CACNB2: variants seen among roughly 807,000 people sequenced by gnomAD.
CACNB2 encodes the protein voltage-dependent L-type calcium channel subunit beta-2.
Under a neutral mutation model 73.3 loss-of-function variants are expected in CACNB2, and 42 were observed. The observed-to-expected ratio is 0.57, with a 90% CI of 0.45 to 0.74. The LOEUF (loss-of-function observed/expected upper bound fraction) is 0.74, where lower values mean the gene tolerates loss of function less well. Among genes scored for constraint, CACNB2 ranks in the 30% least tolerant of loss-of-function variants. The pLI is 0.00. For synonymous variants in CACNB2, 348 were observed against 310.3 expected (o/e 1.12, Z -1.28); for missense variants, 940 against 853.0 (o/e 1.10, Z -1.27).
rs557530757 is a variant in CACNB2 at position 18,199,334 on chromosome 10, G to T, written c.213+48359G>T. On this transcript the variant is annotated intron_variant, in intron 2 of 13. Coordinates refer to ENST00000324631, the MANE Select transcript of CACNB2 (RefSeq NM_201596.3). ...TAAACAAATTAATATTTAATAAAAT[G>T]TCATGTAATGCCAACTTCTAGGAAG... 1.8e-4 allele frequency among the ~76,000 whole-genome samples: 27 copies of T among 152,286 alleles called. No individual in the cohort carries two copies. The South Asian group carries it at 5.2e-3, about 29-fold the overall frequency.
chr10:18,381,785 C>T (rs962939219), intron 2 of CACNB2, among the ~76,000 whole-genome samples: 4 of 151,316 alleles, frequency 2.6e-5, no homozygotes, highest in East Asian at 1.9e-4. Flanking sequence ...GTGTTGTGTT[C>T]GTATATTACA....
At chr10:18,467,709 A>T (rs946744721) in intron 3 of CACNB2, among the ~76,000 whole-genome samples, 1 of 152,068 alleles carries the variant, frequency 6.6e-6, no homozygotes, top group East Asian at 1.9e-4. Flanking sequence ...CCTCAACCCA[A>T]CTCAAATGGG....
At chr10:18,242,427 G>C (rs185463318) in intron 2 of CACNB2, among the ~76,000 whole-genome samples, 2 of 152,104 alleles carry the variant, frequency 1.3e-5, no homozygotes, top group Non-Finnish European at 2.9e-5. Flanking sequence ...CGATGAAAAG[G>C]TTGAAAGGTC....
At chr10:18,214,255 G>A (rs1357620859) in intron 2 of CACNB2, among the ~76,000 whole-genome samples, 1 of 54,150 alleles carries the variant, frequency 1.8e-5, no homozygotes, top group East Asian at 3.6e-4. Flanking sequence ...AAGCATTGCT[G>A]CCTGGAATGG....
chr10:18,198,716 C>T (rs2034736907), intron 2 of CACNB2, among the ~76,000 whole-genome samples: 1 of 152,128 alleles, frequency 6.6e-6, no homozygotes, highest in African/African-American at 2.4e-5. Flanking sequence ...ATAATGTATG[C>T]CCACACTTTT....
chr10:18,497,383 G>A (rs2049901439), intron 3 of CACNB2, among the ~76,000 whole-genome samples: 1 of 152,092 alleles, frequency 6.6e-6, no homozygotes. Context: ...GCTAAAGAGA[G>A]AATAAATGCT....
At chr10:18,173,711 C>T (rs1168992983) in intron 2 of CACNB2, among the ~76,000 whole-genome samples, 1 of 152,118 alleles carries the variant, frequency 6.6e-6, no homozygotes, top group African/African-American at 2.4e-5. Flanking sequence ...CTTCTTCTAA[C>T]CTTTTAGTAT....
intron 2 of CACNB2, among the ~76,000 whole-genome samples, chr10:18,270,001 C>T (rs2037981684): frequency 6.6e-6 from 1 of 152,060 alleles, no homozygotes. Context: ...CCCCAGTTAC[C>T]ACAGTAACTG....
intron 2 of CACNB2, among the ~76,000 whole-genome samples, chr10:18,369,372 A>G (rs2042483478): frequency 1.3e-5 from 2 of 152,186 alleles, no homozygotes; most frequent in Non-Finnish European, 2.9e-5. Context: ...GCTGTAGTAT[A>G]GGTGGCAGTA....
At chr10:18,221,034 G>A (rs1377740072) in intron 2 of CACNB2, among the ~76,000 whole-genome samples, 2 of 152,150 alleles carry the variant, frequency 1.3e-5, no homozygotes, top group African/African-American at 4.8e-5. Context: ...CCTGGATGGG[G>A]GCTGGGCAGT....
intron 5 of CACNB2, among the ~76,000 whole-genome samples, chr10:18,502,355 C>T (rs1408378667): frequency 6.6e-6 from 1 of 150,438 alleles, no homozygotes; most frequent in East Asian, 2.0e-4. Context: ...ATGGATGGAG[C>T]CGGAGGCCAT....
chr10:18,150,855 CTTTTTTTTTTTTTT>C lies in CACNB2; in HGVS notation c.121-16_121-3del. ...AGGGTCTCATAATAATCTTATTTGT[CTTTTTTTTTTTTTT>C]TTTTTTTTTTTAGTCATATGGAAAA... On this transcript the variant is annotated splice_polypyrimidine_tract_variant and intron_variant, in intron 1 of 13. Transcript: ENST00000324631. 4 of 483,392 alleles carry C rather than the reference CTTTTTTTTTTTTTT, an allele frequency of 8.3e-6. No homozygotes were observed. Among genetic ancestry groups the C allele is most frequent in the Non-Finnish European group, 9.2e-6 (3 of 325,610 alleles). 29.9% of individuals were successfully genotyped at this position (483,392 alleles called of 1,614,324 possible). A position where few individuals can be genotyped will look rare whatever the true frequency, so the allele number is the denominator to read the frequency against.
At chr10:18,476,767 CT>C (rs2132802112) in intron 3 of CACNB2, among the ~76,000 whole-genome samples, 1 of 152,302 alleles carries the variant, frequency 6.6e-6, no homozygotes, top group Non-Finnish European at 1.5e-5. Context: ...AATCTCAGCA[CT>C]TAAGGAGGCT....
chr10:18,305,964 T>C (rs1397194976), intron 2 of CACNB2, among the ~76,000 whole-genome samples: 2 of 151,864 alleles, frequency 1.3e-5, no homozygotes, highest in African/African-American at 4.8e-5. Context: ...CGAGACCCCA[T>C]CTCTAAAAAA....
chr10:18,179,900 G>A (rs2033788857), intron 2 of CACNB2, among the ~76,000 whole-genome samples: 1 of 152,192 alleles, frequency 6.6e-6, no homozygotes, highest in South Asian at 2.1e-4. Context: ...TGGTGACAGA[G>A]GGGCGTGTTA....
chr10:18,527,732 T>C (rs1000566277), intron 10 of CACNB2, 35 bp downstream of exon 10: 14 of 1,285,538 alleles, frequency 1.1e-5, no homozygotes, highest in Non-Finnish European at 1.6e-5. Flanking sequence ...CTTTTTAAAC[T>C]CTCCTCTCCC....
At chr10:18,389,815 A>G (rs1219445623) in intron 2 of CACNB2, among the ~76,000 whole-genome samples, 1 of 152,214 alleles carries the variant, frequency 6.6e-6, no homozygotes, top group Non-Finnish European at 1.5e-5. Flanking sequence ...TGCAAAGAGC[A>G]TTGGTTTAAT....
chr10:18,171,800 C>T (rs2131155985), intron 2 of CACNB2, among the ~76,000 whole-genome samples: 1 of 151,926 alleles, frequency 6.6e-6, no homozygotes, highest in East Asian at 1.9e-4. Context: ...AAGTCAAATA[C>T]AATAAATAAA....
At chr10:18,302,598 G>A (rs1339697349) in intron 2 of CACNB2, among the ~76,000 whole-genome samples, 1 of 152,158 alleles carries the variant, frequency 6.6e-6, no homozygotes, top group Non-Finnish European at 1.5e-5. Context: ...ACTCAGGGAT[G>A]GGAAACCAAA....
Sources: allele counts gnomAD v4.1 joint callset (sites outside exome capture counted in the v4.1 genomes callset), GRCh38; gene constraint gnomAD v4.1.1; transcripts MANE v1.5; gene names NCBI Gene and HGNC (gene_info 2026-07-23, HGNC 2026-07-21).